CWH43: variants seen among roughly 807,000 people sequenced by gnomAD.
The protein encoded by CWH43 is PGAP2-interacting protein.
Under a neutral mutation model 85.7 loss-of-function variants are expected in CWH43, and 91 were observed. The ratio of observed to expected loss-of-function variants is 1.06; its 90% CI spans 0.90 to 1.26. The LOEUF is 1.26. CWH43 is among the 50% of genes most tolerant of loss of function. CWH43 has a pLI of 0.00. For missense variants in CWH43, 869 were observed against 839.2 expected, an observed-to-expected ratio of 1.04 and a Z score of -0.44; for synonymous variants, 323 against 293.6, an observed-to-expected ratio of 1.10 and a Z score of -1.02.
At chr4:49,047,831 C>T (rs1784675020) in intron 14 of CWH43, among the ~76,000 whole-genome samples, 1 of 152,108 alleles carries the variant, frequency 6.6e-6, no homozygotes, top group African/African-American at 2.4e-5. Flanking sequence ...TTGGACAACT[C>T]CATGGAGCCA....
intron 4 of CWH43, among the ~76,000 whole-genome samples, chr4:48,993,040 T>C (rs1184683276): frequency 6.6e-6 from 1 of 152,202 alleles, no homozygotes; most frequent in Non-Finnish European, 1.5e-5. Flanking sequence ...AGATCTGAAC[T>C]TCAGGGTACT....
chr4:49,007,077 A>T (rs1365439480), intron 7 of CWH43, 124 bp from the exon 8 acceptor site: 1 of 1,096,076 alleles, frequency 9.1e-7, no homozygotes, highest in Non-Finnish European at 1.2e-6. Context: ...GTTCTGAGAT[A>T]AATTAAATCA....
At chr4:49,009,693 T>A (rs1783288358) in intron 8 of CWH43, among the ~76,000 whole-genome samples, 1 of 152,214 alleles carries the variant, frequency 6.6e-6, no homozygotes, top group South Asian at 2.1e-4. Context: ...GAAGCACTGT[T>A]GAATTTTGTC....
chr4:49,048,589 C>T (rs536145398), intron 14 of CWH43, among the ~76,000 whole-genome samples: 3 of 152,006 alleles, frequency 2.0e-5, no homozygotes, highest in Non-Finnish European at 2.9e-5. Context: ...CCTTGGGTTG[C>T]CGATAACTGC....
intron 12 of CWH43, among the ~76,000 whole-genome samples, chr4:49,034,706 C>G (rs1240580381): frequency 6.6e-6 from 1 of 152,138 alleles, no homozygotes; most frequent in East Asian, 1.9e-4. Flanking sequence ...ATCAGACAAT[C>G]TGGTTTGAAA....
At chr4:49,023,648 A>G (rs143406024) in intron 9 of CWH43, among the ~76,000 whole-genome samples, 89 of 152,312 alleles carry the variant, frequency 5.8e-4, no homozygotes, top group African/African-American at 2.1e-3. Flanking sequence ...AAATGCTGGG[A>G]TTACAGGCAT....
rs535040300 is a variant in CWH43, at chr4:49,061,728, A to G, written c.2022-84A>G. ...ATTTATTCATTTGCTATTTTATTTT[A>G]TGATTGAAATTTTACATAAGAACAT... On this transcript the variant is annotated intron_variant, in intron 15 of 15. Transcript: ENST00000226432. 5 of 1,096,510 alleles carry G rather than the reference A, an allele frequency of 4.6e-6. No homozygotes were observed. The South Asian group carries it at 5.9e-5, about 13-fold the overall frequency. The allele number at this position is 1,096,510 out of a possible 1,614,324, so 67.9% of individuals were successfully genotyped here.
At chr4:49,012,386 G>A (rs1398242872) in intron 8 of CWH43, among the ~76,000 whole-genome samples, 1 of 152,150 alleles carries the variant, frequency 6.6e-6, no homozygotes. Context: ...CATTTTTCAA[G>A]GTTTTTGGCT....
chr4:48,991,920 A>G lies in CWH43; in HGVS notation c.357-16A>G, dbSNP rs774654190. On this transcript the variant is annotated splice_polypyrimidine_tract_variant and intron_variant, in intron 3 of 15. Coordinates refer to ENST00000226432, the MANE Select transcript of CWH43 (RefSeq NM_025087.3). ...GTCCACATAAAAAGTGTTTAAAAAT[A>G]CTTTTGCACTTACAGGTACCTCAGA... 1 of 1,605,624 alleles carries G rather than the reference A, an allele frequency of 6.2e-7. No homozygotes were observed. The highest frequency in any genetic ancestry group is 1.1e-5 in the South Asian group (1 of 90,486).
At chr4:49,006,746 C>T (rs1378155722) in intron 7 of CWH43, among the ~76,000 whole-genome samples, 1 of 152,158 alleles carries the variant, frequency 6.6e-6, no homozygotes, top group Non-Finnish European at 1.5e-5. Context: ...CCTCTGTGCC[C>T]AGAAAACTCA....
chr4:48,991,823 C>A, intron 3 of CWH43, 113 bp from the exon 4 acceptor site: 1 of 991,236 alleles, frequency 1.0e-6, no homozygotes, highest in South Asian at 1.7e-5. Flanking sequence ...TTCATTATTG[C>A]AAATTACCAA....
chr4:48,990,733 G>A (rs12502615), intron 2 of CWH43, among the ~76,000 whole-genome samples: 7 of 152,156 alleles, frequency 4.6e-5, no homozygotes, highest in Admixed American at 1.3e-4. Flanking sequence ...TTGGCAAAGC[G>A]TGATAGAAGC....
intron 15 of CWH43, among the ~76,000 whole-genome samples, chr4:49,056,294 G>T (rs1784962614): frequency 6.6e-6 from 1 of 151,974 alleles, no homozygotes; most frequent in Admixed American, 6.6e-5. Flanking sequence ...GAGGCAATTG[G>T]GTCTGGGCTT....
chr4:49,049,246 C>T (rs752034983), intron 14 of CWH43, among the ~76,000 whole-genome samples: 1 of 152,206 alleles, frequency 6.6e-6, no homozygotes, highest in Non-Finnish European at 1.5e-5. Context: ...CACAGCTCTA[C>T]TTACCTTTCC....
intron 6 of CWH43, among the ~76,000 whole-genome samples, chr4:48,998,766 C>T (rs1782897997): frequency 1.3e-5 from 2 of 152,304 alleles, no homozygotes; most frequent in South Asian, 4.1e-4. Flanking sequence ...CCTCCCCCTC[C>T]TCCTGTGGCT....
intron 11 of CWH43, among the ~76,000 whole-genome samples, chr4:49,032,306 A>G (rs1784122245): frequency 6.6e-6 from 1 of 152,174 alleles, no homozygotes; most frequent in Non-Finnish European, 1.5e-5. Flanking sequence ...TTGTATTACT[A>G]ATGCTGCCCT....
chr4:49,050,625 T>C (rs569366045), intron 14 of CWH43, 69 bp from the exon 15 acceptor site: 14 of 1,231,422 alleles, frequency 1.1e-5, no homozygotes, highest in African/African-American at 1.1e-4. Context: ...CAAAGGGGTA[T>C]CACTTGGATC....
intron 9 of CWH43, among the ~76,000 whole-genome samples, chr4:49,021,664 A>G (rs779445265): frequency 2.8e-4 from 43 of 152,206 alleles, no homozygotes; most frequent in Admixed American, 7.2e-4. Context: ...CACAATATTG[A>G]TTCTACCCAT....
chr4:49,050,814 C>A lies in CWH43; in HGVS notation c.1986C>A (p.His662Gln), dbSNP rs764087948. 1.2e-6 allele frequency: 2 copies of A among 1,612,496 alleles called. No individual in the cohort carries two copies. Among genetic ancestry groups the A allele is most frequent in the South Asian group, 2.2e-5 (2 of 90,812 alleles). ...ACAACCAGAAAGTGGTCATAGACCA[C>A]AGAGAAGTTTCTGAGAAAATTCATT... ...YRDNQKVVID[H>Q]REVSEKIHFN... Residue 662 changes from histidine to glutamine, a missense_variant, in exon 15 of 16, where the codon CAC becomes CAA. Physicochemically the swap from His to Gln is conservative, Grantham distance 24 (BLOSUM62 0). Around this residue, in one of 3 missense-constraint regions of CWH43, gnomAD observed 577 missense variants for 513.1 expected, o/e 1.12. Transcript: ENST00000226432.
Sources: allele counts gnomAD v4.1 joint callset (sites outside exome capture counted in the v4.1 genomes callset), GRCh38; gene constraint gnomAD v4.1.1; regional missense constraint gnomAD v4.1.1; transcripts MANE v1.5; gene names NCBI Gene and HGNC (gene_info 2026-07-23, HGNC 2026-07-21).